ELN: variants seen among roughly 807,000 people sequenced by gnomAD.
ELN encodes elastin.
In ELN, 65 loss-of-function variants were observed where a neutral mutation model predicts 105.8. That is an observed-to-expected ratio of 0.61 (90% CI 0.50 to 0.75). The LOEUF is 0.75. ELN is among the 30% of genes least tolerant of loss of function. The pLI is 0.00. For missense variants in ELN, 882 were observed against 969.4 expected (o/e 0.91, Z 1.20); for synonymous variants, 368 against 389.2 (o/e 0.95, Z 0.64).
intron 1 of ELN, among the ~76,000 whole-genome samples, chr7:74,029,987 G>A (rs985584992): frequency 7.9e-5 from 12 of 152,182 alleles, no homozygotes; most frequent in South Asian, 2.1e-4. Context: ...GAAGGCTTGG[G>A]GCTGAGTCCT....
rs1364126774 is a variant in ELN at position 74,063,460 on chromosome 7, G to A, written c.1918+91G>A. ...TCTGACCAGGCACTGTAGACTCAGAGTCCCTGCCCCAGACACCTCCTGGCT... is the reference window on the plus strand; with the variant it reads ...TCTGACCAGGCACTGTAGACTCAGAATCCCTGCCCCAGACACCTCCTGGCT... On this transcript the variant is annotated intron_variant, in intron 28 of 32. Transcript: ENST00000252034. The surrounding 1 kb of genome is among the most constrained non-coding windows in gnomAD (Gnocchi z 4.1). The A allele has an allele frequency of 1.3e-6, 2 of 1,579,594 alleles. No individual in the cohort carries two copies. Among genetic ancestry groups the A allele is most frequent in the Admixed American group, 1.8e-5 (1 of 54,346 alleles).
At chr7:74,039,359 A>G (rs1021577840) in intron 4 of ELN, among the ~76,000 whole-genome samples, 1 of 152,226 alleles carries the variant, frequency 6.6e-6, no homozygotes, top group Non-Finnish European at 1.5e-5. Context: ...GCTGGATTCC[A>G]TGACCTCCCC....
chr7:74,037,485 CCCCCAGCCCATCAT>C (rs1790247275), intron 3 of ELN, among the ~76,000 whole-genome samples: 1 of 152,202 alleles, frequency 6.6e-6, no homozygotes, highest in South Asian at 2.1e-4. Context: ...TGAGCCACCA[CCCCCAGCCCATCAT>C]CCCCTTTTGA....
chr7:74,043,260 G>C lies in ELN; in HGVS notation c.427+92G>C, dbSNP rs2528796. ...AGCCCTCTCCATGCCACTGCACTTG[G>C]GGAGGAAGGGCAGGGCCTGGCTTCA... On this transcript the variant is annotated intron_variant, in intron 8 of 32. Coordinates refer to ENST00000252034, the MANE Select transcript of ELN (RefSeq NM_000501.4). The C allele has an allele frequency of 0.032, 48,788 of 1,523,388 alleles. 913 individuals carry two copies. Among genetic ancestry groups the C allele is most frequent in the Middle Eastern group, 0.048 (219 of 4,550 alleles). The allele number at this position is 1,523,388 out of a possible 1,614,324, so 94.4% of individuals were successfully genotyped here.
At chr7:74,050,389 T>C (rs1181883393) in intron 15 of ELN, among the ~76,000 whole-genome samples, 1 of 127,614 alleles carries the variant, frequency 7.8e-6, no homozygotes, top group Non-Finnish European at 1.7e-5. Context: ...ATCCATCCAC[T>C]CGTCCATCCA....
Position 74,051,767 on chromosome 7 carries a change from G to C in ELN, c.817G>C (p.Val273Leu). The C allele has an allele frequency of 6.2e-7, 1 of 1,614,244 alleles. No homozygotes were observed. The highest frequency in any genetic ancestry group is 8.5e-7 in the Non-Finnish European group (1 of 1,180,036). Residue 273 changes from valine to leucine, a missense_variant, in exon 16 of 33, where the codon GTC (valine) becomes CTC (leucine). Val to Leu is a conservative substitution (Grantham distance 32, BLOSUM62 1). Coordinates refer to ENST00000252034, the MANE Select transcript of ELN (RefSeq NM_000501.4). ...CTCAACAGGTGCTGGAGCAGCCGGA[G>C]TCCTCCCTGGTGTTGGAGGGGCTGG... ...AAKFGAGAAG[V>L]LPGVGGAGVP...
rs191734690 is a variant in ELN, at chr7:74,063,593, G to A, written c.1919-28G>A. 4.6e-4 allele frequency: 737 copies of A among 1,614,082 alleles called. 3 individuals are homozygous for A. The Admixed American group carries it at 9.8e-3, about 21-fold the overall frequency. On this transcript the variant is annotated intron_variant, in intron 28 of 32. Transcript: ENST00000252034. This position sits in a 1 kb window ranked among gnomAD's most constrained non-coding sequence, Gnocchi z 4.1. ...CTTCAGTCCCACCTTTCTGACCAGCGGAGTCTAATGCTCAGCTGTCTCCAC... is the reference window on the plus strand; with the variant it reads ...CTTCAGTCCCACCTTTCTGACCAGCAGAGTCTAATGCTCAGCTGTCTCCAC...
intron 24 of ELN, 59 bp from the exon 25 acceptor site, chr7:74,060,300 TCAGCTCCCTGGGCAGGA>T (rs1554683430): frequency 1.9e-6 from 3 of 1,613,850 alleles, no homozygotes; most frequent in Non-Finnish European, 2.5e-6. Context: ...GGGACTAGGC[TCAGCTCCCTGGGCAGGA>T]CACCTCCTTA....
chr7:74,043,113 G>A lies in ELN; in HGVS notation c.377-5G>A, dbSNP rs571360232. On this transcript the variant is annotated splice_region_variant and splice_polypyrimidine_tract_variant and intron_variant, in intron 7 of 32. Coordinates refer to ENST00000252034, the MANE Select transcript of ELN (RefSeq NM_000501.4). Reference sequence around the variant, plus strand: ...CCAACTCTGATGCAGCCCCTTCTGTGCCAGGTGCGGTGGTTCCTCAGCCTG... The same window carrying A: ...CCAACTCTGATGCAGCCCCTTCTGTACCAGGTGCGGTGGTTCCTCAGCCTG... 10 of 1,613,860 alleles carry A rather than the reference G, an allele frequency of 6.2e-6. No homozygotes were observed. In the Admixed American group the frequency reaches 1.7e-4, roughly 27 times the overall value.
chr7:74,062,713 G>A (rs1309888458), intron 26 of ELN, among the ~76,000 whole-genome samples: 1 of 152,100 alleles, frequency 6.6e-6, no homozygotes, highest in African/African-American at 2.4e-5. Flanking sequence ...ACCACGCCTG[G>A]CTAATTTTTG....
chr7:74,066,867 G>A, intron 32 of ELN, 91 bp downstream of exon 32: 2 of 1,435,282 alleles, frequency 1.4e-6, no homozygotes, highest in Non-Finnish European at 9.7e-7. Context: ...CAGAAGGGCT[G>A]AGCCAGCACC....
At chr7:74,043,391 G>A (rs1554670052) in intron 8 of ELN, 1 of 748,680 alleles carries the variant, frequency 1.3e-6, no homozygotes, top group African/African-American at 1.7e-5. Flanking sequence ...GGTAGAAAGA[G>A]ACGGGCTCTG....
intron 1 of ELN, among the ~76,000 whole-genome samples, chr7:74,031,307 AT>A (rs1412757318): frequency 6.6e-6 from 1 of 152,190 alleles, no homozygotes. Context: ...GCTTCTAGCA[AT>A]GTAATATCTG....
At chr7:74,051,901 A>C (rs1583858757) in intron 16 of ELN, 23 bp from the exon 17 acceptor site, 1 of 1,613,776 alleles carries the variant, frequency 6.2e-7, no homozygotes, top group Non-Finnish European at 8.5e-7. Flanking sequence ...CAAGGACCTC[A>C]CCCTCTGTGG....
Position 74,056,731 on chromosome 7 carries a change from G to C in ELN, c.1357+18G>C, listed in dbSNP as rs1554680214. The C allele has an allele frequency of 1.9e-6, 3 of 1,613,510 alleles. No homozygotes were observed. Among genetic ancestry groups the C allele is most frequent in the East Asian group, 2.2e-5 (1 of 44,878 alleles). ...CAAGTACGGTAAGTGCCCCTGCCCT[G>C]CCTGTCCCCAAGTCCTGCTCTCCCG... On this transcript the variant is annotated intron_variant, in intron 21 of 32. Coordinates refer to ENST00000252034, the MANE Select transcript of ELN (RefSeq NM_000501.4).
chr7:74,035,512 AC>A (rs1206859851), intron 2 of ELN, 98 bp downstream of exon 2: 3 of 1,444,854 alleles, frequency 2.1e-6, no homozygotes, highest in Non-Finnish European at 2.9e-6. Flanking sequence ...AGGAACATTG[AC>A]ACGCCTACCA....
At chr7:74,037,023 G>A (rs567568612) in intron 3 of ELN, among the ~76,000 whole-genome samples, 6 of 151,778 alleles carry the variant, frequency 4.0e-5, no homozygotes, top group Non-Finnish European at 8.8e-5. Context: ...GTTTCATCAT[G>A]TTGGCCAGGC....
chr7:74,060,456 G>A lies in ELN; in HGVS notation c.1702G>A (p.Val568Ile), dbSNP rs1554683612. 1 of 1,613,786 alleles carries A rather than the reference G, an allele frequency of 6.2e-7. No individual in the cohort carries two copies. The highest frequency in any genetic ancestry group is 8.5e-7 in the Non-Finnish European group (1 of 1,179,966). ...CCCTGGACTTGGAGTTGGTGCTGGT[G>A]TTCCTGGACTTGGAGTTGGTGCTGG... ...GVPGLGVGAG[V>I]PGLGVGAGVP... Residue 568 changes from valine to isoleucine, a missense_variant, in exon 25 of 33, where the codon GTT (valine) becomes ATT (isoleucine). Transcript: ENST00000252034.
At chr7:74,065,771 A>G (rs782673679) in intron 30 of ELN, 39 bp downstream of exon 30, 1 of 1,613,020 alleles carries the variant, frequency 6.2e-7, no homozygotes. Context: ...AGTGGCCTGC[A>G]CCCCCTGCCA....
Sources: allele counts gnomAD v4.1 joint callset (sites outside exome capture counted in the v4.1 genomes callset), GRCh38; gene constraint gnomAD v4.1.1; non-coding constraint Gnocchi (gnomAD v3.1); transcripts MANE v1.5; gene names NCBI Gene and HGNC (gene_info 2026-07-23, HGNC 2026-07-21).